Variants in FOXP2 observed in about 807,000 individuals in gnomAD.
FOXP2 encodes the protein forkhead box protein P2.
In FOXP2, 12 loss-of-function variants were observed where a neutral mutation model predicts 115.8. That is an observed-to-expected ratio of 0.10 (90% confidence interval 0.07 to 0.17). FOXP2 has a LOEUF of 0.17. Among genes scored for constraint, FOXP2 ranks in the 10% least tolerant of loss-of-function variants. FOXP2 has a pLI of 1.00. For synonymous variants in FOXP2, 328 were observed against 297.7 expected (o/e 1.10, Z -1.05); for missense variants, 629 against 843.5 (o/e 0.75, Z 3.15).
intron 1 of FOXP2, among the ~76,000 whole-genome samples, chr7:114,165,468 C>T (rs573183558): frequency 3.9e-5 from 6 of 152,276 alleles, no homozygotes; most frequent in Non-Finnish European, 4.4e-5. Context: ...ATTGCTTTCT[C>T]AGATGCCAGC....
chr7:114,090,016 A>T (rs905005074), intron 1 of FOXP2, among the ~76,000 whole-genome samples: 6 of 151,898 alleles, frequency 4.0e-5, no homozygotes, highest in African/African-American at 1.4e-4. Flanking sequence ...CATAAAAGGG[A>T]TTTTATTTGT....
At chr7:114,674,855 TAAAC>T (rs950929549) in intron 16 of FOXP2, among the ~76,000 whole-genome samples, 36 of 152,234 alleles carry the variant, frequency 2.4e-4, no homozygotes, top group African/African-American at 8.4e-4. Context: ...TAGAATGAAA[TAAAC>T]AATTTATTTA....
chr7:114,471,598 G>T (rs564567031), intron 2 of FOXP2, among the ~76,000 whole-genome samples: 1 of 152,128 alleles, frequency 6.6e-6, no homozygotes, highest in East Asian at 1.9e-4. Context: ...TTTCCCATTA[G>T]AATTTATTAC....
intron 3 of FOXP2, among the ~76,000 whole-genome samples, chr7:114,548,377 T>C (rs1021781885): frequency 2.0e-5 from 3 of 152,168 alleles, no homozygotes; most frequent in Admixed American, 6.5e-5. Flanking sequence ...TTGAACAAAG[T>C]TGGGGCTCTT....
intron 2 of FOXP2, among the ~76,000 whole-genome samples, chr7:114,445,725 A>G (rs1794804874): frequency 6.6e-6 from 1 of 152,166 alleles, no homozygotes; most frequent in African/African-American, 2.4e-5. Context: ...GCTTTATTTT[A>G]TACAAGATCA....
intron 1 of FOXP2, among the ~76,000 whole-genome samples, chr7:114,185,746 G>T (rs555587260): frequency 1.3e-5 from 2 of 152,062 alleles, no homozygotes; most frequent in Non-Finnish European, 2.9e-5. Flanking sequence ...GCCTCCAAAG[G>T]TTCCTGATAA....
intron 1 of FOXP2, among the ~76,000 whole-genome samples, chr7:114,092,996 T>C (rs1004720252): frequency 4.6e-5 from 7 of 152,304 alleles, no homozygotes; most frequent in Admixed American, 1.3e-4. Flanking sequence ...TAGTTGATCC[T>C]GCTTCTTCTC....
At position 114,690,129 on chromosome 7, in the gene FOXP2, C is replaced by CTTTTTTTTTTTTT; in HGVS notation, c.*208_*220dup. 6 of 420,572 alleles carry CTTTTTTTTTTTTT rather than the reference C, an allele frequency of 1.4e-5. No homozygotes were observed. Among genetic ancestry groups the CTTTTTTTTTTTTT allele is most frequent in the Admixed American group, 3.6e-5 (1 of 27,456 alleles). The allele number at this position is 420,572 out of a possible 1,614,324, so 26.1% of individuals were successfully genotyped here. ...TGCTTGTTTTCTTCTTCTTCTTCTT[C>CTTTTTTTTTTTTT]TTTTTTTTTTTTTTTTTAGAAAAAA... On this transcript the variant is annotated 3_prime_UTR_variant, in exon 17 of 17. Coordinates refer to ENST00000350908, the MANE Select transcript of FOXP2 (RefSeq NM_014491.4).
intron 1 of FOXP2, among the ~76,000 whole-genome samples, chr7:114,095,335 T>G (rs1259300564): frequency 6.6e-6 from 1 of 152,066 alleles, no homozygotes; most frequent in East Asian, 1.9e-4. Flanking sequence ...TGATACCCCA[T>G]GAACATACAC....
chr7:114,102,353 A>T (rs1020452992), intron 1 of FOXP2, among the ~76,000 whole-genome samples: 2 of 151,922 alleles, frequency 1.3e-5, no homozygotes, highest in African/African-American at 2.4e-5. Context: ...ATATGACAGG[A>T]GTTGATGAAA....
intron 1 of FOXP2, among the ~76,000 whole-genome samples, chr7:114,266,740 AG>A (rs1442882884): frequency 6.6e-6 from 1 of 152,170 alleles, no homozygotes; most frequent in Admixed American, 6.5e-5. Context: ...ACCTTGAATC[AG>A]GGACCATATA....
chr7:114,311,258 C>T (rs954520089), intron 2 of FOXP2, among the ~76,000 whole-genome samples: 1 of 152,100 alleles, frequency 6.6e-6, no homozygotes, highest in African/African-American at 2.4e-5. Context: ...CCTGTTGTAA[C>T]ATTTTCCCCC....
At chr7:114,535,865 T>A (rs940283820) in intron 3 of FOXP2, among the ~76,000 whole-genome samples, 1 of 151,546 alleles carries the variant, frequency 6.6e-6, no homozygotes, top group Non-Finnish European at 1.5e-5. Flanking sequence ...AAAGTTTTAT[T>A]TAATCACCCT....
intron 16 of FOXP2, chr7:114,667,604 G>A (rs1407815232): frequency 6.6e-6 from 1 of 152,026 alleles, no homozygotes; most frequent in East Asian, 1.9e-4. Flanking sequence ...TGAAAACATT[G>A]AGTATTAGTT....
At chr7:114,176,773 T>C (rs1446462197) in intron 1 of FOXP2, among the ~76,000 whole-genome samples, 1 of 151,998 alleles carries the variant, frequency 6.6e-6, no homozygotes, top group Non-Finnish European at 1.5e-5. Context: ...TGAACACACT[T>C]GTGTAACCGG....
chr7:114,101,899 TTGTGTGTGTGTG>T (rs5886693), intron 1 of FOXP2, among the ~76,000 whole-genome samples: 8 of 142,518 alleles, frequency 5.6e-5, no homozygotes, highest in African/African-American at 7.7e-5. Flanking sequence ...CTTCAACATT[TTGTGTGTGTGTG>T]TGTGTGTGTG....
chr7:114,294,344 A>G (rs1362869319), intron 2 of FOXP2, among the ~76,000 whole-genome samples: 1 of 152,070 alleles, frequency 6.6e-6, no homozygotes, highest in Non-Finnish European at 1.5e-5. Context: ...CTACTAATCT[A>G]TCCTGATAGT....
intron 2 of FOXP2, among the ~76,000 whole-genome samples, chr7:114,389,731 A>C (rs192746292): frequency 6.6e-6 from 1 of 152,298 alleles, no homozygotes; most frequent in Admixed American, 6.5e-5. Context: ...TTAAAAATGC[A>C]TATCAAGTTT....
At chr7:114,425,242 A>G (rs576625869) in intron 1 of FOXP2, among the ~76,000 whole-genome samples, 1 of 151,716 alleles carries the variant, frequency 6.6e-6, no homozygotes, top group East Asian at 1.9e-4. Context: ...GAAATCATGT[A>G]AAAAACAAAT....
Sources: gnomAD v4.1 joint callset for allele counts (sites outside exome capture counted in the v4.1 genomes callset) on GRCh38, gnomAD v4.1.1 for gene constraint, MANE v1.5 for transcripts, NCBI Gene and HGNC (gene_info 2026-07-23, HGNC 2026-07-21) for gene names.